The following SNX14 variants were observed in gnomAD, a reference collection of about 807,000 sequenced individuals.
SNX14 encodes the protein sorting nexin 14.
SNX14 carries 93 observed loss-of-function variants against 133.8 expected under a neutral mutation model. The observed-to-expected ratio is 0.70, with a 90% CI of 0.59 to 0.83. The LOEUF (loss-of-function observed/expected upper bound fraction) is 0.83, where lower values mean the gene tolerates loss of function less well. SNX14 is among the 40% of genes least tolerant of loss of function. SNX14 has a pLI of 0.00. For synonymous variants in SNX14, 368 were observed against 365.6 expected (o/e 1.01, Z -0.07); for missense variants, 945 against 1,094.9 (o/e 0.86, Z 1.93).
At chr6:85,520,729 G>T (rs578197626) in intron 21 of SNX14, among the ~76,000 whole-genome samples, 3 of 152,286 alleles carry the variant, frequency 2.0e-5, no homozygotes, top group South Asian at 2.1e-4. Flanking sequence ...TATGTAAAAA[G>T]AATCAGACTG....
intron 21 of SNX14, among the ~76,000 whole-genome samples, chr6:85,524,212 A>G (rs1241416044): frequency 6.6e-6 from 1 of 151,636 alleles, no homozygotes; most frequent in Non-Finnish European, 1.5e-5. Flanking sequence ...GAAAGAAAGA[A>G]AGAAAAAGAG....
intron 24 of SNX14, 79 bp from the exon 25 acceptor site, chr6:85,514,313 A>T (rs1422474767): frequency 6.6e-7 from 1 of 1,524,368 alleles, no homozygotes; most frequent in Non-Finnish European, 8.8e-7. Flanking sequence ...AGAAAACACA[A>T]ATGACCATGG....
Position 85,593,842 on chromosome 6 carries a change from A to C in SNX14, c.-124T>G. The C allele has an allele frequency of 6.6e-7, 1 of 1,515,214 alleles. No individual in the cohort carries two copies. Among genetic ancestry groups the C allele is most frequent in the Non-Finnish European group, 8.8e-7 (1 of 1,138,064 alleles). 93.9% of individuals were successfully genotyped at this position (1,515,214 alleles called of 1,614,324 possible). On this transcript the variant is annotated 5_prime_UTR_variant, in exon 1 of 29. Coordinates refer to ENST00000314673, the MANE Select transcript of SNX14 (RefSeq NM_153816.6). ...CGCACACAGACGCCTACCGGCAGTTAGCCGCCGCAGGCTGAGGTCGCGTCC... is the reference window on the plus strand; with the variant it reads ...CGCACACAGACGCCTACCGGCAGTTCGCCGCCGCAGGCTGAGGTCGCGTCC...
chr6:85,522,391 C>T (rs921670211), intron 21 of SNX14, among the ~76,000 whole-genome samples: 2 of 152,188 alleles, frequency 1.3e-5, no homozygotes, highest in Admixed American at 6.5e-5. Context: ...ATTATAGATT[C>T]AGCTTCAAGG....
At chr6:85,510,950 T>C (rs1041549483) in intron 26 of SNX14, among the ~76,000 whole-genome samples, 1 of 152,196 alleles carries the variant, frequency 6.6e-6, no homozygotes, top group Admixed American at 6.5e-5. Flanking sequence ...TGTTTGTCAA[T>C]ACCCACAAAA....
In SNX14 at chr6:85,593,727, C is replaced by T; in HGVS notation, c.-9G>A. On this transcript the variant is annotated 5_prime_UTR_variant, in exon 1 of 29. Transcript: ENST00000314673. The stretch of plus-strand genomic sequence containing the variant: ...CGCACCCAGGGCACCATCTCCGTAA[C>T]GGCGAGGCCGAGACTGCGCTACTGG... 6.2e-7 allele frequency: 1 copy of T among 1,613,394 alleles called. No homozygotes were observed. The highest frequency in any genetic ancestry group is 8.5e-7 in the Non-Finnish European group (1 of 1,179,920).
At chr6:85,589,049 G>C in intron 1 of SNX14, 1 of 360,984 alleles carries the variant, frequency 2.8e-6, no homozygotes, top group Non-Finnish European at 5.5e-6. Context: ...CCGACTTTTT[G>C]CCGTTTCATT....
chr6:85,514,557 A>C lies in SNX14; in HGVS notation c.2341T>G (p.Phe781Val). Residue 781 changes from phenylalanine to valine, a missense_variant, in exon 24 of 29, where the codon TTT becomes GTT. Phe to Val is a conservative substitution (Grantham distance 50, BLOSUM62 -1). Transcript: ENST00000314673. ...CCTTCTACAGTCATCACCTCCATAA[A>C]ATAATTCTGATTTTGCTTTCTCTCT... is the stretch of plus-strand genomic sequence containing the variant. ...NTERKQNQNY[F>V]MEVMTVEGVY... 6.2e-7 allele frequency: 1 copy of C among 1,613,492 alleles called. No individual in the cohort carries two copies. The highest frequency in any genetic ancestry group is 8.5e-7 in the Non-Finnish European group (1 of 1,179,746).
At chr6:85,548,519 A>G (rs1786543860) in intron 8 of SNX14, 143 bp from the exon 9 acceptor site, 1 of 592,038 alleles carries the variant, frequency 1.7e-6, no homozygotes, top group African/African-American at 1.9e-5. Flanking sequence ...AAAAGTCTGC[A>G]TTTCTAACAA....
At chr6:85,589,502 G>A (rs1030045233) in intron 1 of SNX14, 4 of 153,856 alleles carry the variant, frequency 2.6e-5, no homozygotes, top group Non-Finnish European at 5.8e-5. Context: ...ACAGGCATGA[G>A]CCACTGCATT....
chr6:85,526,700 G>A (rs569241558), intron 20 of SNX14, among the ~76,000 whole-genome samples: 5 of 152,166 alleles, frequency 3.3e-5, no homozygotes, highest in Non-Finnish European at 7.4e-5. Flanking sequence ...AAAGGGTTTT[G>A]CAGAAAACTA....
intron 16 of SNX14, 57 bp downstream of exon 16, chr6:85,538,781 A>G: frequency 6.7e-7 from 1 of 1,485,642 alleles, no homozygotes; most frequent in South Asian, 1.2e-5. Flanking sequence ...TAGGTTGTTC[A>G]CAATGTACTT....
Position 85,536,772 on chromosome 6 carries a change from A to G in SNX14, c.1608+20T>C. On this transcript the variant is annotated intron_variant, in intron 17 of 28. Transcript: ENST00000314673. The stretch of plus-strand genomic sequence containing the variant: ...TAAGTCTGAAGTTATAAATAAATCA[A>G]ATTGATACATTTTACTTACAAAATC... The G allele has an allele frequency of 6.2e-7, 1 of 1,601,926 alleles. No homozygotes were observed. The highest frequency in any genetic ancestry group is 2.2e-5 in the East Asian group (1 of 44,656).
intron 1 of SNX14, among the ~76,000 whole-genome samples, chr6:85,587,058 G>A (rs916118342): frequency 1.3e-5 from 2 of 151,410 alleles, no homozygotes; most frequent in South Asian, 2.1e-4. Context: ...AAAAAAGAAA[G>A]AGAGAGAGAC....
chr6:85,547,435 C>T (rs372528879), intron 10 of SNX14, 38 bp from the exon 11 acceptor site: 109 of 1,607,252 alleles, frequency 6.8e-5, no homozygotes, highest in Non-Finnish European at 8.7e-5. Context: ...AGTAAAATTC[C>T]CACTTGATTT....
intron 19 of SNX14, 111 bp downstream of exon 19, chr6:85,530,081 G>A: frequency 1.6e-6 from 1 of 625,058 alleles, no homozygotes; most frequent in Non-Finnish European, 2.7e-6. Context: ...AAGCATCAAT[G>A]TTGTATTTCT....
At chr6:85,593,435 C>T (rs953576018) in intron 1 of SNX14, 144 bp downstream of exon 1, 7 of 1,309,386 alleles carry the variant, frequency 5.3e-6, no homozygotes, top group Admixed American at 6.1e-5. Flanking sequence ...CCGTGCTCCC[C>T]GAGGCCGCTC....
At chr6:85,546,929 C>A (rs1297274832) in intron 12 of SNX14, among the ~76,000 whole-genome samples, 183 bp downstream of exon 12, 17 of 148,590 alleles carry the variant, frequency 1.1e-4, no homozygotes, top group African/African-American at 4.3e-4. Context: ...CCATTGCACT[C>A]CAGCCTGGGC....
intron 26 of SNX14, among the ~76,000 whole-genome samples, chr6:85,513,518 T>C (rs1773688590): frequency 2.0e-5 from 3 of 152,246 alleles, no homozygotes; most frequent in Admixed American, 1.3e-4. Context: ...AGGCCTTCAA[T>C]TGTCCCACAT....
Sources: gnomAD v4.1 joint callset for allele counts (sites outside exome capture counted in the v4.1 genomes callset) on GRCh38, gnomAD v4.1.1 for gene constraint, MANE v1.5 for transcripts, NCBI Gene and HGNC (gene_info 2026-07-23, HGNC 2026-07-21) for gene names.